Variants in PSMD12 observed in about 807,000 individuals in gnomAD.
PSMD12 encodes the protein 26S proteasome non-ATPase regulatory subunit 12.
PSMD12 carries 8 observed loss-of-function variants against 62.9 expected under a neutral mutation model. That is an observed-to-expected ratio of 0.13 (90% confidence interval 0.07 to 0.23). The LOEUF (loss-of-function observed/expected upper bound fraction) is 0.23, where lower values mean the gene tolerates loss of function less well. Ranked by LOEUF, PSMD12 falls within the 10% of genes least tolerant of loss-of-function variation. The probability of loss-of-function intolerance (pLI) is 1.00; values close to 1 mark genes in which losing one functional copy is unlikely to be tolerated. For synonymous variants in PSMD12, 173 were observed against 187.4 expected (o/e 0.92, Z 0.63); for missense variants, 424 against 550.2 (o/e 0.77, Z 2.29).
chr17:67,347,424 C>T lies in PSMD12; in HGVS notation c.572G>A (p.Arg191Lys). 1 of 1,613,926 alleles carries T rather than the reference C, an allele frequency of 6.2e-7. No homozygotes were observed. The highest frequency in any genetic ancestry group is 8.5e-7 in the Non-Finnish European group (1 of 1,179,940). The stretch of plus-strand genomic sequence containing the variant: ...GTAATCCTTCACAGCTAGGCAGAGC[C>T]TCATTTGCTCCAAAATAAATTCCAC... ...ERVEFILEQM[R>K]LCLAVKDYIR... The change falls in exon 6 of 11, where the codon AGG becomes AAG. Residue 191 changes from arginine (R) to lysine (K), a missense_variant. Transcript: ENST00000356126.
intron 1 of PSMD12, among the ~76,000 whole-genome samples, chr17:67,361,634 C>G (rs2042128626): frequency 6.6e-6 from 1 of 152,056 alleles, no homozygotes; most frequent in South Asian, 2.1e-4. Flanking sequence ...AATACTCCCC[C>G]TACATAGTCC....
rs1035170241 is a variant in PSMD12 at position 67,338,663 on chromosome 17, G to C, written c.*2180C>G. 6.6e-6 allele frequency: 1 copy of C among 152,146 alleles called. No homozygotes were observed. Among genetic ancestry groups the C allele is most frequent in the Non-Finnish European group, 1.5e-5 (1 of 68,070 alleles). 9.4% of individuals were successfully genotyped at this position (152,146 alleles called of 1,614,324 possible). A position where few individuals can be genotyped will look rare whatever the true frequency, so the allele number is the denominator to read the frequency against. ...GAGGTCAGGAGTTTGAGACCAGCCC[G>C]GCCAACATGATGAAACCATCTCTAC... is the stretch of plus-strand genomic sequence containing the variant. On this transcript the variant is annotated 3_prime_UTR_variant, in exon 11 of 11. Coordinates refer to ENST00000356126, the MANE Select transcript of PSMD12 (RefSeq NM_002816.5).
chr17:67,344,826 G>C, intron 8 of PSMD12, 46 bp from the exon 9 acceptor site: 1 of 1,403,800 alleles, frequency 7.1e-7, no homozygotes, highest in Non-Finnish European at 9.5e-7. Flanking sequence ...TAAAAATTAA[G>C]TATTAACTAA....
intron 1 of PSMD12, among the ~76,000 whole-genome samples, chr17:67,365,027 A>C (rs965066411): frequency 5.9e-5 from 9 of 152,032 alleles, no homozygotes; most frequent in Admixed American, 3.9e-4. Context: ...GTCTCTACTA[A>C]AAGTACAAAA....
Position 67,340,806 on chromosome 17 carries a change from C to T in PSMD12, c.*37G>A, listed in dbSNP as rs1341479106. The T allele has an allele frequency of 1.4e-6, 2 of 1,468,390 alleles. No individual in the cohort carries two copies. Among genetic ancestry groups the T allele is most frequent in the Admixed American group, 2.6e-5 (1 of 38,838 alleles). 91.0% of individuals were successfully genotyped at this position (1,468,390 alleles called of 1,614,324 possible). Reference sequence around the variant, plus strand: ...CATTATAACAGTCTTTTTTTAATGACTTCCAATTTTAACTTTTTTCTAAAG... The same window carrying T: ...CATTATAACAGTCTTTTTTTAATGATTTCCAATTTTAACTTTTTTCTAAAG... On this transcript the variant is annotated 3_prime_UTR_variant, in exon 11 of 11. Coordinates refer to ENST00000356126, the MANE Select transcript of PSMD12 (RefSeq NM_002816.5).
rs1334516096 is a variant in PSMD12, at chr17:67,339,687, AC to A, written c.*1155del. 3.9e-5 allele frequency: 6 copies of A among 152,084 alleles called. No individual in the cohort carries two copies. The highest frequency in any genetic ancestry group is 7.4e-5 in the Non-Finnish European group (5 of 68,016). The allele number at this position is 152,084 out of a possible 1,614,324, so 9.4% of individuals were successfully genotyped here. Reference sequence around the variant, plus strand: ...CTTCATTTGAATTTTTTTAAAGTAGACCTCACACTTTCTTTATTTAAGTATC... The same window carrying A: ...CTTCATTTGAATTTTTTTAAAGTAGACTCACACTTTCTTTATTTAAGTATC... On this transcript the variant is annotated 3_prime_UTR_variant, in exon 11 of 11. Transcript: ENST00000356126.
intron 5 of PSMD12, among the ~76,000 whole-genome samples, chr17:67,348,200 A>G (rs867822353): frequency 1.1e-4 from 17 of 152,296 alleles, no homozygotes; most frequent in African/African-American, 4.1e-4. Context: ...GAAACTGCCA[A>G]ACTGTTTTCC....
intron 1 of PSMD12, 31 bp downstream of exon 1, chr17:67,366,381 G>A: frequency 6.3e-7 from 1 of 1,589,136 alleles, no homozygotes; most frequent in Non-Finnish European, 8.6e-7. Context: ...AGCCCCTGGC[G>A]CCCGCCAACA....
chr17:67,358,824 G>A (rs1298577332), intron 1 of PSMD12, among the ~76,000 whole-genome samples: 6 of 152,140 alleles, frequency 3.9e-5, no homozygotes, highest in African/African-American at 1.4e-4. Flanking sequence ...TTAAAGTCAT[G>A]CTCTTGAGCA....
At position 67,366,457 on chromosome 17, in the gene PSMD12, G is replaced by A. The variant is rs767934041; in HGVS notation, c.63C>T (p.Ser21=). 1 of 1,612,260 alleles carries A rather than the reference G, an allele frequency of 6.2e-7. No individual in the cohort carries two copies. The highest frequency in any genetic ancestry group is 8.5e-7 in the Non-Finnish European group (1 of 1,179,436). The change falls in exon 1 of 11, where the codon AGC becomes AGT. Residue 21 remains serine, a synonymous_variant. Transcript: ENST00000356126. ...CGGGTAGGCGCTGATCCACCGTGGC[G>A]CTGTAGTCCACCTCCATCTTGACGA... The part of the protein sequence containing the change: ...GRIVKMEVDY[S]ATVDQRLPEC...
intron 5 of PSMD12, 152 bp downstream of exon 5, chr17:67,348,398 T>G (rs1223787275): frequency 1.5e-6 from 1 of 666,178 alleles, no homozygotes; most frequent in Non-Finnish European, 2.5e-6. Context: ...ATTTTCAGTA[T>G]GAAAAAAGAT....
Position 67,366,129 on chromosome 17 carries a change from T to C in PSMD12, c.108+283A>G, listed in dbSNP as rs140929523. Among the ~76,000 whole-genome samples, 404 of 152,324 alleles carry C rather than the reference T, an allele frequency of 2.7e-3. 1 individual carries two copies. The highest frequency in any genetic ancestry group is 6.8e-3 in the Middle Eastern group (2 of 294). On this transcript the variant is annotated intron_variant, in intron 1 of 10. Coordinates refer to ENST00000356126, the MANE Select transcript of PSMD12 (RefSeq NM_002816.5). ...GGGAAACTACTAAGGTAAATATCAC[T>C]TAAACAGCATCCAAGAAACGGCAAA... is the stretch of plus-strand genomic sequence containing the variant.
chr17:67,353,315 G>T (rs7503013), intron 3 of PSMD12, among the ~76,000 whole-genome samples: 5 of 150,738 alleles, frequency 3.3e-5, no homozygotes, highest in Admixed American at 1.3e-4. Flanking sequence ...CCTTCCCCCC[G>T]CTCCCTCTCT....
chr17:67,341,450 A>G (rs1316571973), intron 10 of PSMD12, among the ~76,000 whole-genome samples: 1 of 139,384 alleles, frequency 7.2e-6, no homozygotes, highest in Admixed American at 7.5e-5. Flanking sequence ...CACCTGGGCG[A>G]CAAGGTGAGA....
intron 1 of PSMD12, among the ~76,000 whole-genome samples, chr17:67,360,078 C>T (rs552611274): frequency 1.3e-5 from 2 of 151,836 alleles, no homozygotes; most frequent in East Asian, 1.9e-4. Flanking sequence ...TAGAGTGCAG[C>T]GCTTCCCCTA....
chr17:67,344,957 A>G (rs2041950962), intron 8 of PSMD12, among the ~76,000 whole-genome samples, 177 bp from the exon 9 acceptor site: 1 of 152,228 alleles, frequency 6.6e-6, no homozygotes, highest in South Asian at 2.1e-4. Flanking sequence ...TTCCCACAGT[A>G]GTTCAGAATA....
Position 67,339,514 on chromosome 17 carries a change from T to C in PSMD12, c.*1329A>G, listed in dbSNP as rs1046469368. 6.6e-6 allele frequency: 1 copy of C among 152,208 alleles called. No individual in the cohort carries two copies. The highest frequency in any genetic ancestry group is 2.4e-5 in the African/African-American group (1 of 41,448). The allele number at this position is 152,208 out of a possible 1,614,324, so 9.4% of individuals were successfully genotyped here. On this transcript the variant is annotated 3_prime_UTR_variant, in exon 11 of 11. Coordinates refer to ENST00000356126, the MANE Select transcript of PSMD12 (RefSeq NM_002816.5). ...ATTACTTCAGTACTGTATGTCATTA[T>C]TCACAATGACTCACAGGATAAATAT...
intron 4 of PSMD12, among the ~76,000 whole-genome samples, chr17:67,349,102 C>A (rs954359783): frequency 6.6e-6 from 1 of 152,210 alleles, no homozygotes; most frequent in African/African-American, 2.4e-5. Flanking sequence ...TCACCACAAC[C>A]TCTACCTCCC....
At chr17:67,361,181 C>G (rs896725080) in intron 1 of PSMD12, 1 of 152,238 alleles carries the variant, frequency 6.6e-6, no homozygotes, top group Admixed American at 6.5e-5. Context: ...GTTTGTTCAA[C>G]ATCAATGTTG....
Sources: gnomAD v4.1 joint callset for allele counts (sites outside exome capture counted in the v4.1 genomes callset) on GRCh38, gnomAD v4.1.1 for gene constraint, MANE v1.5 for transcripts, NCBI Gene and HGNC (gene_info 2026-07-23, HGNC 2026-07-21) for gene names.